Variants in BABAM2 observed in about 807,000 individuals in gnomAD.
BABAM2 encodes BRISC and BRCA1-A complex member 2.
BABAM2 carries 31 observed loss-of-function variants against 54.7 expected under a neutral mutation model. That is an observed-to-expected ratio of 0.57 (90% confidence interval 0.43 to 0.77). The LOEUF is 0.77. BABAM2 is among the 30% of genes least tolerant of loss of function. The pLI, the probability that BABAM2 is intolerant of heterozygous loss-of-function variation, is 0.00. For missense variants in BABAM2, 364 were observed against 455.8 expected (o/e 0.80, Z 1.83); for synonymous variants, 167 against 162.9 (o/e 1.03, Z -0.19).
chr2:28,070,912 A>G (rs961306149), intron 6 of BABAM2, among the ~76,000 whole-genome samples: 14 of 152,214 alleles, frequency 9.2e-5, no homozygotes, highest in Non-Finnish European at 1.9e-4. Flanking sequence ...ATCACAGTTA[A>G]GAGCCTGAGC....
At chr2:28,068,186 G>A (rs538169814) in intron 6 of BABAM2, among the ~76,000 whole-genome samples, 86 of 152,138 alleles carry the variant, frequency 5.7e-4, no homozygotes, top group Non-Finnish European at 8.7e-4. Flanking sequence ...TGAGACTACC[G>A]TAATAAAGAA....
intron 6 of BABAM2, among the ~76,000 whole-genome samples, chr2:28,073,443 A>G (rs1664358238): frequency 6.6e-6 from 1 of 152,224 alleles, no homozygotes; most frequent in African/African-American, 2.4e-5. Flanking sequence ...GGTTGAAGTA[A>G]ACCATGATCT....
chr2:27,913,970 C>G (rs993483034), intron 2 of BABAM2, among the ~76,000 whole-genome samples: 1 of 152,066 alleles, frequency 6.6e-6, no homozygotes, highest in Admixed American at 6.6e-5. Context: ...TATCATTTAC[C>G]ATTTCAACTT....
intron 6 of BABAM2, among the ~76,000 whole-genome samples, chr2:28,057,061 A>G (rs1678487539): frequency 6.6e-6 from 1 of 152,228 alleles, no homozygotes; most frequent in Non-Finnish European, 1.5e-5. Context: ...AGGCATTCTT[A>G]GTCCTTTGCA....
chr2:28,188,950 C>G (rs191383901), intron 7 of BABAM2, among the ~76,000 whole-genome samples: 48 of 152,236 alleles, frequency 3.2e-4, no homozygotes, highest in African/African-American at 1.0e-3. Flanking sequence ...CCTGTAATCC[C>G]AACACTTTGG....
At chr2:28,011,271 C>T (rs1462338107) in intron 4 of BABAM2, among the ~76,000 whole-genome samples, 1 of 152,176 alleles carries the variant, frequency 6.6e-6, no homozygotes, top group African/African-American at 2.4e-5. Flanking sequence ...AGAGTAAAGA[C>T]ATTGAAAGCT....
At chr2:28,102,167 C>T (rs1368064575) in intron 6 of BABAM2, among the ~76,000 whole-genome samples, 1 of 152,196 alleles carries the variant, frequency 6.6e-6, no homozygotes, top group African/African-American at 2.4e-5. Context: ...TAGTGCCTGA[C>T]ACGTAGAAGT....
chr2:28,012,109 T>G (rs1674444523), intron 4 of BABAM2, among the ~76,000 whole-genome samples: 1 of 152,204 alleles, frequency 6.6e-6, no homozygotes, highest in Admixed American at 6.5e-5. Flanking sequence ...GAAGCACACA[T>G]TAACTTAAAA....
intron 11 of BABAM2, chr2:28,327,249 T>G (rs745953560): frequency 3.8e-5 from 61 of 1,584,670 alleles, no homozygotes; most frequent in Non-Finnish European, 4.6e-5. Flanking sequence ...TCCCTTCTCC[T>G]CCTCCTTCTC....
intron 7 of BABAM2, among the ~76,000 whole-genome samples, chr2:28,189,256 A>T (rs1676648426): frequency 6.6e-6 from 1 of 152,126 alleles, no homozygotes; most frequent in South Asian, 2.1e-4. Flanking sequence ...AGCATTATGG[A>T]TTTACAAATA....
intron 7 of BABAM2, among the ~76,000 whole-genome samples, chr2:28,145,963 G>C (rs540732455): frequency 2.4e-4 from 37 of 152,190 alleles, no homozygotes; most frequent in Admixed American, 2.4e-3. Context: ...TACCACATTT[G>C]ATTTATCCAT....
chr2:28,124,113 C>A (rs1669299308), intron 6 of BABAM2, among the ~76,000 whole-genome samples: 1 of 152,120 alleles, frequency 6.6e-6, no homozygotes. Flanking sequence ...TAGCCTTGAC[C>A]TTACATAAGA....
intron 11 of BABAM2, among the ~76,000 whole-genome samples, chr2:28,311,830 A>G (rs1042188523): frequency 6.6e-6 from 1 of 152,230 alleles, no homozygotes; most frequent in African/African-American, 2.4e-5. Flanking sequence ...AATTGAAAAC[A>G]TTACTAAATG....
At chr2:28,145,223 C>G (rs1016719841) in intron 7 of BABAM2, among the ~76,000 whole-genome samples, 3 of 152,222 alleles carry the variant, frequency 2.0e-5, no homozygotes, top group Non-Finnish European at 4.4e-5. Flanking sequence ...ACAGAAAGAG[C>G]TGGGAGGATG....
intron 1 of BABAM2, chr2:27,891,111 A>C (rs1046324474): frequency 5.9e-5 from 9 of 152,250 alleles, no homozygotes; most frequent in African/African-American, 2.2e-4. Flanking sequence ...GAGGGGAATC[A>C]TACAGTTTGG....
intron 3 of BABAM2, among the ~76,000 whole-genome samples, chr2:27,958,318 G>A (rs925010003): frequency 6.6e-6 from 1 of 151,960 alleles, no homozygotes; most frequent in Non-Finnish European, 1.5e-5. Flanking sequence ...GAGATATAGA[G>A]GTTAAGTCTC....
At chr2:28,120,848 A>G (rs1377937809) in intron 6 of BABAM2, among the ~76,000 whole-genome samples, 1 of 152,244 alleles carries the variant, frequency 6.6e-6, no homozygotes, top group Non-Finnish European at 1.5e-5. Flanking sequence ...TGAATTTACA[A>G]AAAGAGTTAA....
intron 6 of BABAM2, among the ~76,000 whole-genome samples, chr2:28,048,264 T>C (rs55646588): frequency 0.068 from 10,330 of 152,268 alleles, 530 homozygotes; most frequent in African/African-American, 0.14. Context: ...TAAGTTCATA[T>C]TACCAGGTGT....
intron 10 of BABAM2, among the ~76,000 whole-genome samples, chr2:28,261,145 A>G (rs911851074): frequency 6.6e-6 from 1 of 151,276 alleles, no homozygotes; most frequent in Non-Finnish European, 1.5e-5. Flanking sequence ...TTTCACCATA[A>G]TGGTCAGACT....
Sources: allele counts gnomAD v4.1 joint callset (sites outside exome capture counted in the v4.1 genomes callset), GRCh38; gene constraint gnomAD v4.1.1; transcripts MANE v1.5; gene names NCBI Gene and HGNC (gene_info 2026-07-23, HGNC 2026-07-21).